Variants in VLDLR observed in about 807,000 individuals in gnomAD.
VLDLR encodes the protein very low-density lipoprotein receptor.
A neutral mutation model predicts 112.7 loss-of-function variants in VLDLR; 81 were observed. The ratio of observed to expected loss-of-function variants is 0.72; its 90% CI spans 0.60 to 0.86. The LOEUF (loss-of-function observed/expected upper bound fraction) is 0.86, where lower values mean the gene tolerates loss of function less well. Ranked by LOEUF, VLDLR falls within the 40% of genes least tolerant of loss-of-function variation. The pLI, the probability that VLDLR is intolerant of heterozygous loss-of-function variation, is 0.00. For missense variants in VLDLR, 1,237 were observed against 1,099.4 expected (o/e 1.13, Z -1.77); for synonymous variants, 436 against 384.8 (o/e 1.13, Z -1.56).
rs1259425442 is a variant in VLDLR at position 2,659,023 on chromosome 9, G to A, written c.*5155G>A. The A allele has an allele frequency of 6.6e-6, 1 of 152,094 alleles. No individual in the cohort carries two copies. Among genetic ancestry groups the A allele is most frequent in the Non-Finnish European group, 1.5e-5 (1 of 68,012 alleles). The allele number at this position is 152,094 out of a possible 1,614,324, so 9.4% of individuals were successfully genotyped here. A position where few individuals can be genotyped will look rare whatever the true frequency, so the allele number is the denominator to read the frequency against. ...TTCTTTTGACTACCTCCTAGGACATGGAAACAAATATTTGGGAGCCTGCAT... is the reference window on the plus strand; with the variant it reads ...TTCTTTTGACTACCTCCTAGGACATAGAAACAAATATTTGGGAGCCTGCAT... On this transcript the variant is annotated 3_prime_UTR_variant, in exon 19 of 19. Transcript: ENST00000382100.
chr9:2,643,049 G>C (rs1255759188), intron 4 of VLDLR, 111 bp from the exon 5 acceptor site: 48 of 1,525,512 alleles, frequency 3.1e-5, no homozygotes, highest in Admixed American at 1.5e-4. Context: ...TTTAAGTTGG[G>C]CTAGTAAGTT....
At position 2,622,068 on chromosome 9, in the gene VLDLR, T is replaced by G; in HGVS notation, c.-122T>G. 2.9e-6 allele frequency: 2 copies of G among 682,100 alleles called. No homozygotes were observed. Among genetic ancestry groups the G allele is most frequent in the Non-Finnish European group, 4.3e-6 (2 of 465,640 alleles). 42.3% of individuals were successfully genotyped at this position (682,100 alleles called of 1,614,324 possible). On this transcript the variant is annotated 5_prime_UTR_variant, in exon 1 of 19. Transcript: ENST00000382100. ...CCCTTCCCCCGCCAACTCCTTCCCC[T>G]CCTTCTCCCCCTTTCCCCTCCCCGC...
chr9:2,643,787 C>T (rs1465265040), intron 6 of VLDLR, 37 bp downstream of exon 6: 1 of 1,614,216 alleles, frequency 6.2e-7, no homozygotes, highest in Non-Finnish European at 8.5e-7. Flanking sequence ...CAATGGATTG[C>T]TCTGACCAGA....
intron 15 of VLDLR, 95 bp from the exon 16 acceptor site, chr9:2,651,320 G>C: frequency 1.9e-6 from 2 of 1,071,902 alleles, no homozygotes. Flanking sequence ...ATTTTACCTG[G>C]TTTTAAAATA....
In VLDLR at chr9:2,656,250, A is replaced by AT. The variant is rs1818600782; in HGVS notation, c.*2382_*2383insT. 2.0e-5 allele frequency: 3 copies of AT among 152,020 alleles called. No homozygotes were observed. Among genetic ancestry groups the AT allele is most frequent in the Non-Finnish European group, 2.9e-5 (2 of 68,010 alleles). 9.4% of individuals were successfully genotyped at this position (152,020 alleles called of 1,614,324 possible). ...AACTCATTGTACCTACGAGGTACAAACTCATTTGTAGAAACAAAGTAACTA... is the reference window on the plus strand; with the variant it reads ...AACTCATTGTACCTACGAGGTACAAATCTCATTTGTAGAAACAAAGTAACTA... On this transcript the variant is annotated 3_prime_UTR_variant, in exon 19 of 19. Transcript: ENST00000382100.
chr9:2,647,715 T>C, intron 12 of VLDLR, 123 bp downstream of exon 12: 1 of 876,702 alleles, frequency 1.1e-6, no homozygotes, highest in Non-Finnish European at 1.9e-6. Flanking sequence ...CTAGCAGGAA[T>C]TTTCAATGGG....
chr9:2,650,114 C>T (rs1329640442), intron 14 of VLDLR, among the ~76,000 whole-genome samples: 1 of 152,194 alleles, frequency 6.6e-6, no homozygotes, highest in Non-Finnish European at 1.5e-5. Flanking sequence ...CCCACCTCCT[C>T]TTTTGGCATC....
At position 2,622,000 on chromosome 9, in the gene VLDLR, C is replaced by A; in HGVS notation, c.-190C>A. 3.1e-6 allele frequency: 2 copies of A among 649,596 alleles called. No homozygotes were observed. The highest frequency in any genetic ancestry group is 3.4e-5 in the South Asian group (2 of 58,442). 40.2% of individuals were successfully genotyped at this position (649,596 alleles called of 1,614,324 possible). ...GGTGGCTGGGTGGGTGGGGAGGAGA[C>A]TGTGCAAGTTGTAGGGGAGGGGGTG... On this transcript the variant is annotated 5_prime_UTR_variant, in exon 1 of 19. In the 5' UTR this introduces an upstream ATG that the reference lacks. Coordinates refer to ENST00000382100, the MANE Select transcript of VLDLR (RefSeq NM_003383.5).
chr9:2,647,635 C>T (rs766474827), intron 12 of VLDLR, 43 bp downstream of exon 12: 2 of 1,504,642 alleles, frequency 1.3e-6, no homozygotes, highest in South Asian at 2.3e-5. Context: ...CAACTATCTT[C>T]ATAGTGTTTC....
intron 1 of VLDLR, among the ~76,000 whole-genome samples, chr9:2,630,239 T>G (rs1817281182): frequency 6.6e-6 from 1 of 152,188 alleles, no homozygotes; most frequent in Admixed American, 6.5e-5. Flanking sequence ...ACTTTTTTGC[T>G]GACTCAGAAA....
intron 2 of VLDLR, among the ~76,000 whole-genome samples, chr9:2,636,797 G>C (rs1817613997): frequency 6.6e-6 from 1 of 152,170 alleles, no homozygotes; most frequent in South Asian, 2.1e-4. Flanking sequence ...TCTCCTTAGA[G>C]AGTCCTCACT....
intron 4 of VLDLR, among the ~76,000 whole-genome samples, chr9:2,642,584 TC>T (rs1456916977): frequency 2.1e-4 from 32 of 152,344 alleles, no homozygotes; most frequent in African/African-American, 7.5e-4. Context: ...CTTATCATTG[TC>T]AGCATACCTG....
Position 2,653,886 on chromosome 9 carries a change from G to A in VLDLR, c.*18G>A. 1 of 1,613,702 alleles carries A rather than the reference G, an allele frequency of 6.2e-7. No individual in the cohort carries two copies. The highest frequency in any genetic ancestry group is 8.5e-7 in the Non-Finnish European group (1 of 1,179,724). ...TAGCTTGACTTCTGTGACAAATGTT[G>A]ACCTTTGAGGTCTAAACAAATAATA... On this transcript the variant is annotated 3_prime_UTR_variant, in exon 19 of 19. Coordinates refer to ENST00000382100, the MANE Select transcript of VLDLR (RefSeq NM_003383.5).
chr9:2,634,556 A>G (rs1009964796), intron 1 of VLDLR, among the ~76,000 whole-genome samples: 8 of 152,182 alleles, frequency 5.3e-5, no homozygotes, highest in Admixed American at 3.9e-4. Context: ...CAAAACACCA[A>G]CTGTCCCACT....
intron 15 of VLDLR, 24 bp from the exon 16 acceptor site, chr9:2,651,391 A>G (rs1259114535): frequency 6.2e-7 from 1 of 1,604,752 alleles, no homozygotes; most frequent in Non-Finnish European, 8.5e-7. Flanking sequence ...GGCATTAACC[A>G]GGTTCTTGGT....
Position 2,659,996 on chromosome 9 carries a change from T to C in VLDLR, c.*6128T>C, listed in dbSNP as rs1818741840. The C allele has an allele frequency of 6.6e-6, 1 of 152,196 alleles. No individual in the cohort carries two copies. The highest frequency in any genetic ancestry group is 1.9e-4 in the East Asian group (1 of 5,198). The allele number at this position is 152,196 out of a possible 1,614,324, so 9.4% of individuals were successfully genotyped here. A position where few individuals can be genotyped will look rare whatever the true frequency, so the allele number is the denominator to read the frequency against. On this transcript the variant is annotated 3_prime_UTR_variant, in exon 19 of 19. Transcript: ENST00000382100. ...TAGAATGCAGAGTCCTGATGACCTG[T>C]CAATAAACTTTTTTTTACTAATGAA...
chr9:2,659,097 C>A lies in VLDLR; in HGVS notation c.*5229C>A, dbSNP rs1194236132. ...ACTTAAAATCTCCTTTAAATTCTTA[C>A]CATATGCTTACTTTTGTACTAAGTA... On this transcript the variant is annotated 3_prime_UTR_variant, in exon 19 of 19. Coordinates refer to ENST00000382100, the MANE Select transcript of VLDLR (RefSeq NM_003383.5). 7 of 152,292 alleles carry A rather than the reference C, an allele frequency of 4.6e-5. No homozygotes were observed. The South Asian group carries it at 1.0e-3, about 23-fold the overall frequency. The allele number at this position is 152,292 out of a possible 1,614,324, so 9.4% of individuals were successfully genotyped here. A position where few individuals can be genotyped will look rare whatever the true frequency, so the allele number is the denominator to read the frequency against.
At chr9:2,632,962 A>C (rs978463679) in intron 1 of VLDLR, among the ~76,000 whole-genome samples, 9 of 149,214 alleles carry the variant, frequency 6.0e-5, no homozygotes, top group Non-Finnish European at 1.0e-4. Flanking sequence ...CCCCAATGTC[A>C]TTCTTTTAAA....
chr9:2,632,150 G>A (rs983590605), intron 1 of VLDLR, among the ~76,000 whole-genome samples: 43 of 152,156 alleles, frequency 2.8e-4, no homozygotes, highest in Non-Finnish European at 5.3e-4. Context: ...ATTAGAGCTG[G>A]AAGAAAACCT....
Sources: allele counts gnomAD v4.1 joint callset (sites outside exome capture counted in the v4.1 genomes callset), GRCh38; gene constraint gnomAD v4.1.1; transcripts MANE v1.5; gene names NCBI Gene and HGNC (gene_info 2026-07-23, HGNC 2026-07-21).